DYNC1I1: variants seen among roughly 807,000 people sequenced by gnomAD.
DYNC1I1 encodes dynein cytoplasmic 1 intermediate chain 1.
Under a neutral mutation model 86.6 loss-of-function variants are expected in DYNC1I1, and 43 were observed. The ratio of observed to expected loss-of-function variants is 0.50; its 90% confidence interval spans 0.39 to 0.64. DYNC1I1 has a LOEUF of 0.64. DYNC1I1 is among the 30% of genes least tolerant of loss of function. The pLI is 0.00. For synonymous variants in DYNC1I1, 262 were observed against 283.7 expected (o/e 0.92, Z 0.77); for missense variants, 604 against 788.8 (o/e 0.77, Z 2.81).
chr7:95,810,578 C>A (rs1158543142), intron 3 of DYNC1I1, 72 bp downstream of exon 3: 9 of 1,236,574 alleles, frequency 7.3e-6, no homozygotes, highest in Non-Finnish European at 9.9e-6. Flanking sequence ...CCAGTGTTTA[C>A]TATTCTTTTA....
At chr7:95,776,882 T>C (rs1208863504) in intron 1 of DYNC1I1, among the ~76,000 whole-genome samples, 1 of 152,142 alleles carries the variant, frequency 6.6e-6, no homozygotes, top group African/African-American at 2.4e-5. Flanking sequence ...CATCCCAACA[T>C]CCCTGTAAGG....
chr7:95,815,579 A>T (rs1179760492), intron 4 of DYNC1I1, among the ~76,000 whole-genome samples: 1 of 152,124 alleles, frequency 6.6e-6, no homozygotes, highest in Non-Finnish European at 1.5e-5. Context: ...GGAGAATGTT[A>T]TATTTCAGTT....
downstream of DYNC1I1, among the ~76,000 whole-genome samples, chr7:96,102,568 T>C (rs1217418904): frequency 6.6e-6 from 1 of 152,176 alleles, no homozygotes; most frequent in Non-Finnish European, 1.5e-5. Context: ...AGTTAACATA[T>C]TCCATATCTA....
At chr7:95,961,721 G>A (rs1160496490) in intron 6 of DYNC1I1, among the ~76,000 whole-genome samples, 1 of 152,208 alleles carries the variant, frequency 6.6e-6, no homozygotes, top group African/African-American at 2.4e-5. Context: ...TTTCTCCTCT[G>A]TCCATCCACC....
chr7:95,857,283 A>G (rs577129676), intron 5 of DYNC1I1, among the ~76,000 whole-genome samples: 1 of 152,304 alleles, frequency 6.6e-6, no homozygotes, highest in African/African-American at 2.4e-5. Context: ...AGCTGCTATA[A>G]TTTTTTGATT....
At chr7:95,776,062 C>T (rs1386280971) in intron 1 of DYNC1I1, among the ~76,000 whole-genome samples, 4 of 152,088 alleles carry the variant, frequency 2.6e-5, no homozygotes, top group African/African-American at 4.8e-5. Flanking sequence ...GCTGGAGGCT[C>T]GTGCCTGTAA....
intron 1 of DYNC1I1, among the ~76,000 whole-genome samples, chr7:95,794,454 C>G (rs1406956553): frequency 6.6e-6 from 1 of 152,164 alleles, no homozygotes; most frequent in Non-Finnish European, 1.5e-5. Flanking sequence ...CATATTGAAT[C>G]TCTAAATTGG....
intron 1 of DYNC1I1, among the ~76,000 whole-genome samples, chr7:95,803,449 A>G (rs1425020103): frequency 6.6e-6 from 1 of 152,262 alleles, no homozygotes; most frequent in Non-Finnish European, 1.5e-5. Flanking sequence ...TATTGCAATC[A>G]TTCTGATTAT....
intron 6 of DYNC1I1, among the ~76,000 whole-genome samples, chr7:95,908,493 T>C (rs1004096088): frequency 6.6e-6 from 1 of 152,184 alleles, no homozygotes; most frequent in African/African-American, 2.4e-5. Flanking sequence ...AAAAAGTGAA[T>C]GACTCATGAT....
intron 1 of DYNC1I1, among the ~76,000 whole-genome samples, chr7:95,781,744 C>A (rs1793999033): frequency 6.6e-6 from 1 of 152,174 alleles, no homozygotes; most frequent in Non-Finnish European, 1.5e-5. Flanking sequence ...TTAACCAGGG[C>A]ACATGCTCTG....
At chr7:95,991,984 C>A (rs1169599921) in intron 9 of DYNC1I1, among the ~76,000 whole-genome samples, 1 of 152,122 alleles carries the variant, frequency 6.6e-6, no homozygotes, top group Non-Finnish European at 1.5e-5. Context: ...CTCCCCATCC[C>A]GAGTAGCTGG....
At position 95,927,430 on chromosome 7, in the gene DYNC1I1, G is replaced by C. The variant is rs539766762; in HGVS notation, c.491-50082G>C. On this transcript the variant is annotated intron_variant, in intron 6 of 16. Transcript: ENST00000447467. ...AAGTGTTAGGGATGGGGTGATAGTA[G>C]AGGTGGCATTTGTGTTAGGACTTAA... Among the ~76,000 whole-genome samples the C allele has an allele frequency of 1.8e-4, 28 of 152,286 alleles. No homozygotes were observed. The South Asian group carries it at 5.2e-3, about 28-fold the overall frequency.
chr7:95,977,977 A>G (rs1055429621), intron 7 of DYNC1I1, among the ~76,000 whole-genome samples: 1 of 152,218 alleles, frequency 6.6e-6, no homozygotes, highest in African/African-American at 2.4e-5. Context: ...AAGTGTTTTC[A>G]TGTGATCTAC....
Position 95,840,482 on chromosome 7 carries a change from C to T in DYNC1I1, c.374+12366C>T, listed in dbSNP as rs1337751802. Among the ~76,000 whole-genome samples, 3 of 152,242 alleles carry T rather than the reference C, an allele frequency of 2.0e-5. No individual in the cohort carries two copies. In the East Asian group the frequency reaches 5.8e-4, roughly 29 times the overall value. On this transcript the variant is annotated intron_variant, in intron 5 of 16. Transcript: ENST00000447467. ...TCTCACATTGTTCATGCATTTCTCT[C>T]CTAACTATTGTGAACATCTTCATGA...
chr7:95,894,435 G>T (rs1790824334), intron 6 of DYNC1I1, among the ~76,000 whole-genome samples: 1 of 123,020 alleles, frequency 8.1e-6, no homozygotes, highest in African/African-American at 3.0e-5. Flanking sequence ...TACCTTGGGG[G>T]TTAGGATTTC....
At position 95,946,106 on chromosome 7, in the gene DYNC1I1, A is replaced by G. The variant is rs187392907; in HGVS notation, c.491-31406A>G. Among the ~76,000 whole-genome samples the G allele has an allele frequency of 1.1e-4, 16 of 152,202 alleles. No individual in the cohort carries two copies. The East Asian group carries it at 2.7e-3, about 26-fold the overall frequency. On this transcript the variant is annotated intron_variant, in intron 6 of 16. Transcript: ENST00000447467. ...TTCTAAATGGGAACTGAACAATGAGAACACATGGATGCAGGGAGGGGAACA... is the reference window on the plus strand; with the variant it reads ...TTCTAAATGGGAACTGAACAATGAGGACACATGGATGCAGGGAGGGGAACA...
chr7:96,002,897 A>C (rs974193248), intron 10 of DYNC1I1, among the ~76,000 whole-genome samples: 1 of 151,186 alleles, frequency 6.6e-6, no homozygotes, highest in Non-Finnish European at 1.5e-5. Context: ...AGGCTGGCGT[A>C]CAGCAGCACG....
At chr7:95,889,584 A>G (rs1225244120) in intron 6 of DYNC1I1, among the ~76,000 whole-genome samples, 1 of 152,220 alleles carries the variant, frequency 6.6e-6, no homozygotes, top group African/African-American at 2.4e-5. Context: ...AAAAAGCAAA[A>G]ATTGACAAAT....
At chr7:95,784,454 G>A (rs1158217905) in intron 1 of DYNC1I1, among the ~76,000 whole-genome samples, 1 of 152,036 alleles carries the variant, frequency 6.6e-6, no homozygotes, top group African/African-American at 2.4e-5. Context: ...GCTCATCTTG[G>A]TAGATGCTCA....
Sources: allele counts gnomAD v4.1 joint callset (sites outside exome capture counted in the v4.1 genomes callset), GRCh38; gene constraint gnomAD v4.1.1; transcripts MANE v1.5; gene names NCBI Gene and HGNC (gene_info 2026-07-23, HGNC 2026-07-21).